Variants in MAML2 observed in about 807,000 individuals in gnomAD.
The protein encoded by MAML2 is mastermind like transcriptional coactivator 2, also known as mastermind-like protein 2.
A neutral mutation model predicts 96.1 loss-of-function variants in MAML2; 22 were observed. The observed-to-expected ratio is 0.23, with a 90% confidence interval of 0.16 to 0.33. The LOEUF (loss-of-function observed/expected upper bound fraction) is 0.33. Ranked by LOEUF, MAML2 falls within the 10% of genes least tolerant of loss-of-function variation. MAML2 has a pLI of 1.00. For synonymous variants in MAML2, 561 were observed against 521.3 expected (o/e 1.08, Z -1.04); for missense variants, 1,367 against 1,392.4 (o/e 0.98, Z 0.29).
rs189006420 is a variant in MAML2 at position 96,232,577 on chromosome 11, C to T, written c.513+108806G>A. Among the ~76,000 whole-genome samples, 1,286 of 152,178 alleles carry T rather than the reference C, an allele frequency of 8.5e-3. 19 individuals are homozygous for T. Among genetic ancestry groups the T allele is most frequent in the African/African-American group, 0.029 (1,215 of 41,496 alleles). ...CTCCGCCTCCCCGGTTCATGCCATT[C>T]TCCTGCCTCAGCCTCCCGAGTAGCT... On this transcript the variant is annotated intron_variant, in intron 1 of 4. Transcript: ENST00000524717.
chr11:96,177,916 TTGTGTGTGTGTGTGTG>T lies in MAML2; in HGVS notation c.514-84415_514-84400del, dbSNP rs58447778. Among the ~76,000 whole-genome samples the T allele has an allele frequency of 9.3e-4, 130 of 139,910 alleles. 1 individual carries two copies. Among genetic ancestry groups the T allele is most frequent in the African/African-American group, 2.4e-3 (91 of 37,698 alleles). The allele number at this position is 139,910 out of a possible 152,430, so 91.8% of individuals were successfully genotyped here. A position where few individuals can be genotyped will look rare whatever the true frequency, so the allele number is the denominator to read the frequency against. ...AAAATTGAATATCTGGAGACCTTAG[TTGTGTGTGTGTGTGTG>T]TGTGTGTGTGTGTGTGTGTGTGTGT... On this transcript the variant is annotated intron_variant, in intron 1 of 4. Coordinates refer to ENST00000524717, the MANE Select transcript of MAML2 (RefSeq NM_032427.4).
chr11:96,321,102 C>A (rs1389686859), intron 1 of MAML2, among the ~76,000 whole-genome samples: 3 of 152,220 alleles, frequency 2.0e-5, no homozygotes, highest in Admixed American at 2.0e-4. Flanking sequence ...ACTTCCACAG[C>A]ATATGGCTGC....
At chr11:96,089,787 C>A (rs1859674437) in intron 2 of MAML2, among the ~76,000 whole-genome samples, 1 of 151,928 alleles carries the variant, frequency 6.6e-6, no homozygotes. Context: ...AAATGGGTGG[C>A]TACTCCCTGT....
chr11:95,979,795 CA>C lies in MAML2; in HGVS notation c.2623del (p.Cys875ValfsTer13), dbSNP rs1444691604. ...GACACTGTATGTGTTAGGTTGATTA[CA>C]AGGCAGATTTCCATACATCCCCATA... ...QNMGMYGNLPCNQPNTYSVTS... is the reference protein window; with the variant it reads ...QNMGMYGNLPXNQPNTYSVTS... On this transcript the variant is annotated frameshift_variant, in exon 5 of 5. Transcript: ENST00000524717. LOFTEE classifies it low-confidence loss of function (END_TRUNC). The C allele has an allele frequency of 6.2e-7, 1 of 1,613,874 alleles. No homozygotes were observed. The highest frequency in any genetic ancestry group is 8.5e-7 in the Non-Finnish European group (1 of 1,179,870).
At chr11:96,102,106 C>T (rs1281898110) in intron 1 of MAML2, among the ~76,000 whole-genome samples, 2 of 152,160 alleles carry the variant, frequency 1.3e-5, no homozygotes, top group African/African-American at 4.8e-5. Flanking sequence ...GAAACACCAT[C>T]TCTACTAAAG....
At chr11:96,338,731 A>G (rs1863950298) in intron 1 of MAML2, among the ~76,000 whole-genome samples, 1 of 152,252 alleles carries the variant, frequency 6.6e-6, no homozygotes, top group African/African-American at 2.4e-5. Context: ...CATACGAATT[A>G]ACTATTAAAG....
intron 1 of MAML2, among the ~76,000 whole-genome samples, chr11:96,181,558 C>G (rs1266888662): frequency 1.3e-5 from 2 of 152,082 alleles, no homozygotes; most frequent in Non-Finnish European, 2.9e-5. Flanking sequence ...CCTCCCACCC[C>G]CTTCAAGTCT....
intron 1 of MAML2, among the ~76,000 whole-genome samples, chr11:96,283,673 C>G (rs55699247): frequency 0.03 from 4,502 of 152,292 alleles, 84 homozygotes; most frequent in South Asian, 0.061. Context: ...CATTTGTCCT[C>G]TACGTTCTGA....
chr11:96,185,634 T>G (rs1214784162), intron 1 of MAML2, among the ~76,000 whole-genome samples: 2 of 152,248 alleles, frequency 1.3e-5, no homozygotes, highest in East Asian at 3.8e-4. Flanking sequence ...AAATGCTGAC[T>G]CTCAGCCTCT....
At chr11:96,188,323 G>A (rs996894388) in intron 1 of MAML2, among the ~76,000 whole-genome samples, 1 of 152,174 alleles carries the variant, frequency 6.6e-6, no homozygotes, top group Non-Finnish European at 1.5e-5. Flanking sequence ...GCTTTTGCTT[G>A]AATAGAAAAT....
At chr11:96,182,845 A>C (rs1308426116) in intron 1 of MAML2, among the ~76,000 whole-genome samples, 2 of 152,070 alleles carry the variant, frequency 1.3e-5, no homozygotes, top group Non-Finnish European at 2.9e-5. Context: ...AGATCTCCTT[A>C]CCATCCACTA....
At chr11:96,290,121 T>C (rs1192503032) in intron 1 of MAML2, among the ~76,000 whole-genome samples, 6 of 152,188 alleles carry the variant, frequency 3.9e-5, no homozygotes, top group Non-Finnish European at 7.4e-5. Context: ...TTTTGTCCTA[T>C]AAAATCATGT....
intron 1 of MAML2, among the ~76,000 whole-genome samples, chr11:96,251,905 T>G (rs1217546244): frequency 1.3e-5 from 2 of 151,982 alleles, no homozygotes; most frequent in East Asian, 1.9e-4. Context: ...CTAATTTTTT[T>G]GTATTTTTAG....
intron 1 of MAML2, among the ~76,000 whole-genome samples, chr11:96,166,154 G>GTCTCTCTCTCTC (rs752973631): frequency 8.8e-6 from 1 of 113,762 alleles, no homozygotes; most frequent in Non-Finnish European, 1.8e-5. Flanking sequence ...CTCTCTGTCT[G>GTCTCTCTCTCTC]TCTCTCTCTC....
chr11:96,013,027 G>A (rs919923447), intron 2 of MAML2, among the ~76,000 whole-genome samples: 2 of 152,072 alleles, frequency 1.3e-5, no homozygotes, highest in African/African-American at 4.8e-5. Flanking sequence ...TAACTTGGAG[G>A]GTTTTTATTT....
intron 2 of MAML2, among the ~76,000 whole-genome samples, chr11:96,035,823 A>G (rs1858702598): frequency 6.6e-6 from 1 of 152,194 alleles, no homozygotes; most frequent in African/African-American, 2.4e-5. Flanking sequence ...AAAGGAAGAC[A>G]AACAAATTCA....
At chr11:96,177,957 T>TGTGTGTGTGTGTGTGTGTG (rs1565238928) in intron 1 of MAML2, among the ~76,000 whole-genome samples, 1 of 149,862 alleles carries the variant, frequency 6.7e-6, no homozygotes, top group Non-Finnish European at 1.5e-5. Context: ...TGTGTGTGTG[T>TGTGTGTGTGTGTGTGTGTG]TTAAATAAGA....
chr11:96,021,872 G>T (rs117639787), intron 2 of MAML2, among the ~76,000 whole-genome samples: 1,685 of 152,318 alleles, frequency 0.011, 20 homozygotes, highest in South Asian at 0.043. Flanking sequence ...CCTCTTCCCA[G>T]TCCCAGCATT....
chr11:96,234,795 C>A (rs1862344597), intron 1 of MAML2, among the ~76,000 whole-genome samples: 1 of 152,152 alleles, frequency 6.6e-6, no homozygotes, highest in Admixed American at 6.5e-5. Context: ...CATTTTTTAA[C>A]TTCTGTTAAG....
Sources: gnomAD v4.1 joint callset for allele counts (sites outside exome capture counted in the v4.1 genomes callset) on GRCh38, gnomAD v4.1.1 for gene constraint, MANE v1.5 for transcripts, NCBI Gene and HGNC (gene_info 2026-07-23, HGNC 2026-07-21) for gene names.